Variants in ZMYM4 observed in about 807,000 individuals in gnomAD.
ZMYM4 encodes zinc finger MYM-type containing 4, also known as zinc finger MYM-type protein 4.
ZMYM4 carries 31 observed loss-of-function variants against 183.2 expected under a neutral mutation model. That is an observed-to-expected ratio of 0.17 (90% CI 0.13 to 0.23). ZMYM4 has a LOEUF of 0.23. Among genes scored for constraint, ZMYM4 ranks in the 10% least tolerant of loss-of-function variants. The pLI is 1.00. For missense variants in ZMYM4, 1,273 were observed against 1,840.3 expected (o/e 0.69, Z 5.64); for synonymous variants, 592 against 631.2 (o/e 0.94, Z 0.93).
chr1:35,274,462 C>T (rs1297397645), intron 1 of ZMYM4, among the ~76,000 whole-genome samples: 2 of 151,946 alleles, frequency 1.3e-5, no homozygotes, highest in South Asian at 2.1e-4. Context: ...AAAAATTACC[C>T]GAGGTTTAGT....
At chr1:35,377,860 TC>T (rs1644367891) in intron 7 of ZMYM4, among the ~76,000 whole-genome samples, 1 of 152,232 alleles carries the variant, frequency 6.6e-6, no homozygotes, top group African/African-American at 2.4e-5. Context: ...AGTTGACTCT[TC>T]CTTTCACAAA....
chr1:35,278,822 C>T (rs530004452), intron 1 of ZMYM4, among the ~76,000 whole-genome samples: 7 of 152,242 alleles, frequency 4.6e-5, no homozygotes, highest in Non-Finnish European at 1.0e-4. Flanking sequence ...AGTATGGACT[C>T]GGCATGATTC....
At chr1:35,398,357 G>C in intron 20 of ZMYM4, 56 bp from the exon 21 acceptor site, 3 of 1,469,446 alleles carry the variant, frequency 2.0e-6, no homozygotes. Flanking sequence ...CATTTCATTT[G>C]AGATATAATT....
At chr1:35,401,390 A>T (rs2149015226) in intron 23 of ZMYM4, among the ~76,000 whole-genome samples, 1 of 152,284 alleles carries the variant, frequency 6.6e-6, no homozygotes, top group Non-Finnish European at 1.5e-5. Flanking sequence ...AATGATGTTA[A>T]GCATCTTTTC....
intron 2 of ZMYM4, among the ~76,000 whole-genome samples, chr1:35,335,591 ATTTG>A (rs1033642306): frequency 5.9e-5 from 9 of 152,028 alleles, no homozygotes; most frequent in Non-Finnish European, 5.9e-5. Flanking sequence ...GTTCTTGTTT[ATTTG>A]TTTGTCACCA....
intron 2 of ZMYM4, among the ~76,000 whole-genome samples, chr1:35,343,098 G>A (rs1468496942): frequency 6.6e-6 from 1 of 152,090 alleles, no homozygotes; most frequent in Admixed American, 6.6e-5. Context: ...TTCTCTCTCC[G>A]TATCCATCCA....
chr1:35,282,619 G>A (rs1296453642), intron 1 of ZMYM4, among the ~76,000 whole-genome samples: 1 of 152,094 alleles, frequency 6.6e-6, no homozygotes, highest in Non-Finnish European at 1.5e-5. Flanking sequence ...ACAGTGGTGT[G>A]ATCATGGGTC....
At chr1:35,276,307 TCC>T (rs758973928) in intron 1 of ZMYM4, among the ~76,000 whole-genome samples, 1 of 127,254 alleles carries the variant, frequency 7.9e-6, no homozygotes, top group African/African-American at 3.5e-5. Flanking sequence ...TTCCTTTCCT[TCC>T]TCCTTCCTTC....
At chr1:35,296,853 T>C (rs893503861) in intron 1 of ZMYM4, among the ~76,000 whole-genome samples, 2 of 144,740 alleles carry the variant, frequency 1.4e-5, no homozygotes, top group African/African-American at 5.1e-5. Flanking sequence ...CTTTTTTTTT[T>C]TTTTTTTTTT....
chr1:35,409,957 T>A (rs913765687), intron 26 of ZMYM4, among the ~76,000 whole-genome samples: 123 of 148,158 alleles, frequency 8.3e-4, no homozygotes, highest in Non-Finnish European at 1.5e-4. Flanking sequence ...AAAAAAAAAA[T>A]TCTCATGCAG....
chr1:35,303,103 A>C (rs1641364764), intron 1 of ZMYM4, among the ~76,000 whole-genome samples: 1 of 151,490 alleles, frequency 6.6e-6, no homozygotes, highest in Admixed American at 6.6e-5. Flanking sequence ...GGCAAAAAAA[A>C]AAAAACAAAA....
intron 7 of ZMYM4, among the ~76,000 whole-genome samples, chr1:35,373,367 AC>A (rs1440367113): frequency 6.8e-6 from 1 of 146,252 alleles, no homozygotes; most frequent in South Asian, 2.1e-4. Flanking sequence ...AATGATCTTA[AC>A]TTTTTTTTTT....
intron 2 of ZMYM4, chr1:35,351,515 C>A: frequency 7.2e-7 from 1 of 1,392,414 alleles, no homozygotes; most frequent in Non-Finnish European, 1.0e-6. Context: ...GAGGTGGAAC[C>A]ATCCCAAAAT....
chr1:35,307,151 TA>T (rs1404682827), intron 1 of ZMYM4, among the ~76,000 whole-genome samples: 6 of 152,242 alleles, frequency 3.9e-5, no homozygotes, highest in African/African-American at 1.4e-4. Context: ...CTGTTAATAC[TA>T]AATTATCTTT....
chr1:35,295,027 G>A (rs749553557), intron 1 of ZMYM4, among the ~76,000 whole-genome samples: 1 of 152,200 alleles, frequency 6.6e-6, no homozygotes, highest in Non-Finnish European at 1.5e-5. Context: ...TGCCTGTTAT[G>A]CATGAGGAAC....
chr1:35,309,625 A>G (rs1398552701), intron 1 of ZMYM4, among the ~76,000 whole-genome samples: 1 of 152,104 alleles, frequency 6.6e-6, no homozygotes, highest in Admixed American at 6.6e-5. Context: ...TTTTAGGGAT[A>G]GGTTGGGGAA....
At chr1:35,392,383 C>G in intron 16 of ZMYM4, 31 bp downstream of exon 16, 2 of 1,600,956 alleles carry the variant, frequency 1.2e-6, no homozygotes, top group South Asian at 2.3e-5. Flanking sequence ...ATTTATCTAG[C>G]CTATTTAGGT....
In ZMYM4 at chr1:35,319,926, A is replaced by G. The variant is rs187046578; in HGVS notation, c.40-5434A>G. ...TAAATAAACAAGTTTCAAACTGCTT[A>G]TTAACTAATAGAAATGATTCTTTTA... On this transcript the variant is annotated intron_variant, in intron 1 of 29. Transcript: ENST00000314607. Among the ~76,000 whole-genome samples, 10 of 152,362 alleles carry G rather than the reference A, an allele frequency of 6.6e-5. No individual in the cohort carries two copies. In the East Asian group the frequency reaches 1.9e-3, roughly 29 times the overall value.
chr1:35,398,298 A>G, intron 20 of ZMYM4, 115 bp from the exon 21 acceptor site: 1 of 850,082 alleles, frequency 1.2e-6, no homozygotes, highest in South Asian at 1.9e-5. Flanking sequence ...CTGCATATGA[A>G]ATCTATTTAC....
Sources: allele counts gnomAD v4.1 joint callset (sites outside exome capture counted in the v4.1 genomes callset), GRCh38; gene constraint gnomAD v4.1.1; transcripts MANE v1.5; gene names NCBI Gene and HGNC (gene_info 2026-07-23, HGNC 2026-07-21).